Variants in RPN2 observed in about 807,000 individuals in gnomAD.
RPN2 encodes dolichyl-diphosphooligosaccharide--protein glycosyltransferase subunit 2.
A neutral mutation model predicts 71.4 loss-of-function variants in RPN2; 29 were observed. The observed-to-expected ratio is 0.41, with a 90% CI of 0.30 to 0.55. The LOEUF (loss-of-function observed/expected upper bound fraction) is 0.55. Ranked by LOEUF, RPN2 falls within the 20% of genes least tolerant of loss-of-function variation. The probability of loss-of-function intolerance (pLI) is 0.35; values close to 1 mark genes in which losing one functional copy is unlikely to be tolerated. For missense variants in RPN2, 726 were observed against 774.1 expected, an observed-to-expected ratio of 0.94 and a Z score of 0.74; for synonymous variants, 308 against 305.0, an observed-to-expected ratio of 1.01 and a Z score of -0.10.
intron 13 of RPN2, 126 bp downstream of exon 13, chr20:37,230,185 T>G (rs1296721170): frequency 2.5e-6 from 2 of 811,246 alleles, no homozygotes; most frequent in Non-Finnish European, 4.3e-6. Context: ...ACCCTGTGGA[T>G]TAGGCAGGGT....
At chr20:37,182,816 A>G (rs1306628819) in intron 1 of RPN2, among the ~76,000 whole-genome samples, 2 of 152,194 alleles carry the variant, frequency 1.3e-5, no homozygotes, top group Non-Finnish European at 2.9e-5. Flanking sequence ...GTGCCAGACA[A>G]TGCACTTTAT....
At chr20:37,203,993 T>C in intron 5 of RPN2, 33 bp downstream of exon 5, 1 of 1,499,554 alleles carries the variant, frequency 6.7e-7, no homozygotes, top group Non-Finnish European at 9.3e-7. Context: ...ATCTCCCAGC[T>C]CCTGTCTTTG....
Position 37,228,673 on chromosome 20 carries a change from G to C in RPN2, c.1423G>C (p.Ala475Pro). The change falls in exon 12 of 17, where the codon GCC becomes CCC. Residue 475 changes from alanine (A) to proline (P), a missense_variant. Physicochemically the swap from Ala to Pro is conservative, Grantham distance 27 (BLOSUM62 -1). Transcript: ENST00000237530. ...TSERKIEFDS[A>P]SGTYTLYLII... ...TGAAAGAAAGATTGAATTTGACTCT[G>C]CCTCTGGCACCTACACTCTCTACTT... 6.2e-7 allele frequency: 1 copy of C among 1,614,152 alleles called. No homozygotes were observed. Among genetic ancestry groups the C allele is most frequent in the Non-Finnish European group, 8.5e-7 (1 of 1,180,008 alleles).
At chr20:37,236,466 G>A (rs2068394560) in intron 15 of RPN2, 114 bp from the exon 16 acceptor site, 3 of 1,098,966 alleles carry the variant, frequency 2.7e-6, no homozygotes, top group Admixed American at 3.7e-5. Flanking sequence ...AAAACAAGCT[G>A]GTATAGGAGT....
At chr20:37,238,726 C>A (rs1157230416) in intron 16 of RPN2, 5 of 685,602 alleles carry the variant, frequency 7.3e-6, no homozygotes, top group Non-Finnish European at 1.1e-5. Flanking sequence ...TCCCTTATAT[C>A]CCGTGGGGTA....
chr20:37,230,754 C>G (rs2068219653), intron 13 of RPN2, among the ~76,000 whole-genome samples: 2 of 152,012 alleles, frequency 1.3e-5, no homozygotes, highest in Admixed American at 1.3e-4. Context: ...AACAAGTGCT[C>G]AAAGGGTAGA....
At position 37,230,034 on chromosome 20, in the gene RPN2, T is replaced by A; in HGVS notation, c.1556T>A (p.Leu519His). The A allele has an allele frequency of 6.2e-7, 1 of 1,614,036 alleles. No individual in the cohort carries two copies. The highest frequency in any genetic ancestry group is 8.5e-7 in the Non-Finnish European group (1 of 1,179,910). The change falls in exon 13 of 17, where the codon CTT (leucine) becomes CAT (histidine). Residue 519 changes from leucine (L) to histidine (H), a missense_variant. Leu to His is a moderately conservative substitution (Grantham distance 99, BLOSUM62 -3). Transcript: ENST00000237530. ...EAPSTVLSQN[L>H]FTPKQEIQHL... ...CCCTCGACTGTCTTGTCCCAGAACC[T>A]TTTCACTCCAAAACAGGAAATTCAG...
chr20:37,198,086 G>A (rs1299114185), intron 2 of RPN2, among the ~76,000 whole-genome samples: 5 of 152,192 alleles, frequency 3.3e-5, no homozygotes, highest in Admixed American at 1.3e-4. Flanking sequence ...AAAGGATCAT[G>A]TTGTTAAAAG....
At position 37,184,167 on chromosome 20, in the gene RPN2, GT is replaced by G. The variant is rs1221726684; in HGVS notation, c.14-10del. 6 of 1,614,114 alleles carry G rather than the reference GT, an allele frequency of 3.7e-6. No individual in the cohort carries two copies. The highest frequency in any genetic ancestry group is 5.1e-6 in the Non-Finnish European group (6 of 1,179,992). On this transcript the variant is annotated splice_polypyrimidine_tract_variant and intron_variant, in intron 1 of 16. Transcript: ENST00000237530. ...AGAGTGTAGAGTGTACTGAATGGTT[GT>G]TTCCCCCCAAGGTTCAAGCACTGTC...
At chr20:37,191,212 C>T (rs1383728391) in intron 2 of RPN2, among the ~76,000 whole-genome samples, 1 of 152,166 alleles carries the variant, frequency 6.6e-6, no homozygotes, top group Non-Finnish European at 1.5e-5. Context: ...TGCGGTGTCT[C>T]AGGCCTGTAA....
intron 13 of RPN2, 106 bp from the exon 14 acceptor site, chr20:37,232,190 G>T: frequency 7.2e-7 from 1 of 1,383,674 alleles, no homozygotes; most frequent in Non-Finnish European, 1.0e-6. Context: ...CCTCTGGGCG[G>T]CATATCCTCT....
intron 8 of RPN2, among the ~76,000 whole-genome samples, chr20:37,210,528 CTTTT>C (rs10566074): frequency 8.4e-5 from 10 of 118,902 alleles, no homozygotes; most frequent in Non-Finnish European, 1.2e-4. Context: ...CTTTTGCTAA[CTTTT>C]TTTTTTTTTT....
chr20:37,216,521 G>A (rs369316752), intron 9 of RPN2, among the ~76,000 whole-genome samples: 1 of 151,898 alleles, frequency 6.6e-6, no homozygotes, highest in Non-Finnish European at 1.5e-5. Context: ...GAGTATAGTG[G>A]TGCCATCTTG....
chr20:37,227,819 C>T (rs1025771148), intron 11 of RPN2, among the ~76,000 whole-genome samples: 5 of 152,242 alleles, frequency 3.3e-5, no homozygotes, highest in African/African-American at 1.2e-4. Flanking sequence ...AGTGATTAGA[C>T]TCAGTACCAT....
intron 9 of RPN2, among the ~76,000 whole-genome samples, chr20:37,219,337 T>A (rs2067897317): frequency 6.6e-6 from 1 of 152,244 alleles, no homozygotes; most frequent in Admixed American, 6.5e-5. Flanking sequence ...GAATGTCTAT[T>A]CAAATCCATT....
chr20:37,189,323 ATGTGTGTGTGTGTGTGTGTGTGTGTG>A (rs11474653), intron 2 of RPN2, among the ~76,000 whole-genome samples: 1 of 64,508 alleles, frequency 1.6e-5, no homozygotes, highest in Non-Finnish European at 4.3e-5. Context: ...GTGTGTGTGT[ATGTGTGTGTGTGTGTGTGTGTGTGTG>A]TGTGTGTGTG....
At chr20:37,220,915 A>C (rs568201445) in intron 9 of RPN2, among the ~76,000 whole-genome samples, 7 of 152,216 alleles carry the variant, frequency 4.6e-5, no homozygotes, top group Non-Finnish European at 1.0e-4. Flanking sequence ...TATGTGCAAC[A>C]ATGAAAGCTG....
intron 10 of RPN2, 86 bp downstream of exon 10, chr20:37,224,055 C>T (rs2068021162): frequency 1.9e-6 from 2 of 1,062,230 alleles, no homozygotes; most frequent in African/African-American, 1.6e-5. Context: ...CTGCAGGCAT[C>T]AGTTCTGTGT....
chr20:37,224,507 T>G (rs1302934688), intron 10 of RPN2, among the ~76,000 whole-genome samples: 1 of 152,090 alleles, frequency 6.6e-6, no homozygotes, highest in Non-Finnish European at 1.5e-5. Flanking sequence ...CATTTCCCCC[T>G]CCCAAGTCCA....
Sources: gnomAD v4.1 joint callset for allele counts (sites outside exome capture counted in the v4.1 genomes callset) on GRCh38, gnomAD v4.1.1 for gene constraint, MANE v1.5 for transcripts, NCBI Gene and HGNC (gene_info 2026-07-23, HGNC 2026-07-21) for gene names.